The following PECR variants were observed in gnomAD, a reference collection of about 807,000 sequenced individuals.
The protein encoded by PECR is peroxisomal trans-2-enoyl-CoA reductase.
Under a neutral mutation model 35.3 loss-of-function variants are expected in PECR, and 30 were observed. The observed-to-expected ratio is 0.85, with a 90% CI of 0.64 to 1.15. PECR has a LOEUF of 1.15. Ranked by LOEUF, PECR falls within the 50% of genes most tolerant of loss-of-function variation. The pLI, the probability that PECR is intolerant of heterozygous loss-of-function variation, is 0.00. For missense variants in PECR, 392 were observed against 370.8 expected, an observed-to-expected ratio of 1.06 and a Z score of -0.47; for synonymous variants, 148 against 138.9, an observed-to-expected ratio of 1.07 and a Z score of -0.46.
chr2:216,052,511 T>C (rs1276416462), intron 4 of PECR, among the ~76,000 whole-genome samples: 1 of 152,260 alleles, frequency 6.6e-6, no homozygotes, highest in Admixed American at 6.5e-5. Context: ...CAGGTTGGCA[T>C]GGTTTTTTCT....
At chr2:216,063,157 G>A (rs1695392009) in intron 3 of PECR, among the ~76,000 whole-genome samples, 1 of 151,860 alleles carries the variant, frequency 6.6e-6, no homozygotes, top group Non-Finnish European at 1.5e-5. Context: ...TTGCTTTTCT[G>A]GCAGTGATAT....
intron 7 of PECR, among the ~76,000 whole-genome samples, chr2:216,040,739 C>T (rs965085522): frequency 6.6e-6 from 1 of 152,018 alleles, no homozygotes; most frequent in African/African-American, 2.4e-5. Context: ...GGCATAGTGT[C>T]GGGCACCTGT....
At chr2:216,067,709 A>C (rs1051260293) in intron 1 of PECR, among the ~76,000 whole-genome samples, 1 of 151,890 alleles carries the variant, frequency 6.6e-6, no homozygotes, top group Non-Finnish European at 1.5e-5. Flanking sequence ...GGCGTGCACC[A>C]CCAGGCCTGG....
At chr2:216,069,816 A>G (rs1040886190) in intron 1 of PECR, among the ~76,000 whole-genome samples, 11 of 151,876 alleles carry the variant, frequency 7.2e-5, no homozygotes, top group African/African-American at 2.7e-4. Flanking sequence ...GGCGCCTGTA[A>G]TCCCAGCTAC....
intron 1 of PECR, 120 bp from the exon 2 acceptor site, chr2:216,066,638 T>C: frequency 1.2e-6 from 1 of 849,290 alleles, no homozygotes; most frequent in Non-Finnish European, 2.0e-6. Flanking sequence ...GTTGTCCAAA[T>C]TCCAACAATA....
intron 4 of PECR, among the ~76,000 whole-genome samples, chr2:216,055,437 CAAAAAAAA>C (rs11288394): frequency 2.2e-5 from 3 of 137,748 alleles, no homozygotes; most frequent in Non-Finnish European, 3.2e-5. Flanking sequence ...AATTCCATCT[CAAAAAAAA>C]AAAACAAAAA....
At chr2:216,034,713 G>T (rs1310586863), downstream of PECR, among the ~76,000 whole-genome samples, 7 of 152,190 alleles carry the variant, frequency 4.6e-5, no homozygotes, top group South Asian at 6.2e-4. Context: ...AGGAAACAAG[G>T]TCTGGGGTAG....
rs748332343 is a variant in PECR at position 216,066,409 on chromosome 2, T to C, written c.234A>G (p.Gln78=). 3 of 1,613,244 alleles carry C rather than the reference T, an allele frequency of 1.9e-6. No individual in the cohort carries two copies. The highest frequency in any genetic ancestry group is 1.3e-5 in the African/African-American group (1 of 75,020). Residue 78 remains glutamine (Q), a synonymous_variant, in exon 2 of 8, where the codon CAA becomes CAG. Coordinates refer to ENST00000265322, the MANE Select transcript of PECR (RefSeq NM_018441.6). ...CCTCCTCCTCATTCCGGATGTTGCA[T>C]TGTATGGGAATGACTCGTGCCTGCT... is the stretch of plus-strand genomic sequence containing the variant. ...PTKQARVIPI[Q]CNIRNEEEVN... is the part of the protein sequence containing the mutation.
chr2:216,060,188 C>T (rs1695307356), intron 3 of PECR, among the ~76,000 whole-genome samples: 2 of 151,820 alleles, frequency 1.3e-5, no homozygotes, highest in Non-Finnish European at 2.9e-5. Context: ...ACATATAAAA[C>T]CATTTGATTT....
intron 6 of PECR, among the ~76,000 whole-genome samples, chr2:216,047,668 C>T (rs1199222945): frequency 3.9e-5 from 6 of 152,176 alleles, no homozygotes; most frequent in African/African-American, 1.4e-4. Flanking sequence ...ATACACAGTA[C>T]ATAAATAAAT....
chr2:216,055,369 G>A (rs568538247), intron 4 of PECR, among the ~76,000 whole-genome samples: 5 of 151,558 alleles, frequency 3.3e-5, no homozygotes, highest in African/African-American at 1.2e-4. Flanking sequence ...CCCAGGAGGC[G>A]GAGGTTGTGG....
intron 3 of PECR, among the ~76,000 whole-genome samples, chr2:216,063,693 T>C (rs560365866): frequency 1.3e-5 from 2 of 151,898 alleles, no homozygotes; most frequent in East Asian, 1.9e-4. Flanking sequence ...GCAAAAATAA[T>C]AGGCCTTGTA....
rs1187159049 is a variant in PECR, at chr2:216,038,619, G to C, written c.*656C>G. The C allele has an allele frequency of 6.6e-6, 1 of 151,352 alleles. No individual in the cohort carries two copies. Among genetic ancestry groups the C allele is most frequent in the Non-Finnish European group, 1.5e-5 (1 of 67,876 alleles). 9.4% of individuals were successfully genotyped at this position (151,352 alleles called of 1,614,324 possible). ...TGTTGTTGTTTGTTTTTGTTTTTTGGGTTTTTTTTGAGATGCAGTCTCACT... is the reference window on the plus strand; with the variant it reads ...TGTTGTTGTTTGTTTTTGTTTTTTGCGTTTTTTTTGAGATGCAGTCTCACT... On this transcript the variant is annotated 3_prime_UTR_variant, in exon 8 of 8. Coordinates refer to ENST00000265322, the MANE Select transcript of PECR (RefSeq NM_018441.6).
At chr2:216,049,928 G>A (rs1695071539) in intron 5 of PECR, among the ~76,000 whole-genome samples, 1 of 152,120 alleles carries the variant, frequency 6.6e-6, no homozygotes, top group African/African-American at 2.4e-5. Context: ...CTCAAAAACT[G>A]TATCCCAGGC....
Position 216,051,470 on chromosome 2 carries a change from T to C in PECR, c.582A>G (p.Ile194Met), listed in dbSNP as rs757636172. Residue 194 changes from isoleucine to methionine, a missense_variant, in exon 5 of 8, where the codon ATA becomes ATG. Transcript: ENST00000265322. ...SLALEWACSG[I>M]RINCVAPGVI... ...CTACAGGGGCAACACAATTGATCCG[T>C]ATTCCACTGCAGGCCCATTCCAAAG... 3.7e-6 allele frequency: 6 copies of C among 1,607,754 alleles called. No individual in the cohort carries two copies. In the Admixed American group the frequency reaches 1.0e-4, roughly 27 times the overall value.
At chr2:216,032,024 G>T (rs1694718340) in intron 7 of PECR, among the ~76,000 whole-genome samples, 1 of 152,218 alleles carries the variant, frequency 6.6e-6, no homozygotes, top group Non-Finnish European at 1.5e-5. Context: ...AGAACAGGAA[G>T]CCAGACATCT....
rs1694875292 is a variant in PECR at position 216,040,877 on chromosome 2, A to G, written c.827-1517T>C. ...CAAGAGTGAGACTCTGTCTCAAAAA[A>G]AAAGAAAAGAAAAAGTCCCTTATCT... On this transcript the variant is annotated intron_variant, in intron 7 of 7. Coordinates refer to ENST00000265322, the MANE Select transcript of PECR (RefSeq NM_018441.6). 1.3e-5 allele frequency among the ~76,000 whole-genome samples: 2 copies of G among 152,170 alleles called. 1 individual carries two copies. Among genetic ancestry groups the G allele is most frequent in the South Asian group, 4.1e-4 (2 of 4,826 alleles).
intron 1 of PECR, among the ~76,000 whole-genome samples, chr2:216,071,902 G>A (rs532628141): frequency 1.9e-4 from 29 of 152,242 alleles, no homozygotes; most frequent in African/African-American, 6.5e-4. Context: ...ATTTTTGAAG[G>A]TCATGAAATA....
chr2:216,056,180 G>A (rs1695221651), intron 4 of PECR, among the ~76,000 whole-genome samples: 3 of 152,106 alleles, frequency 2.0e-5, no homozygotes, highest in Non-Finnish European at 4.4e-5. Context: ...TCTTGCACAT[G>A]TACCTGTACT....
Sources: allele counts gnomAD v4.1 joint callset (sites outside exome capture counted in the v4.1 genomes callset), GRCh38; gene constraint gnomAD v4.1.1; transcripts MANE v1.5; gene names NCBI Gene and HGNC (gene_info 2026-07-23, HGNC 2026-07-21).